The following CNTN4 variants were observed in gnomAD, a reference collection of about 807,000 sequenced individuals.
CNTN4 encodes contactin 4, also known as contactin-4.
Under a neutral mutation model 122.5 loss-of-function variants are expected in CNTN4, and 77 were observed. That is an observed-to-expected ratio of 0.63 (90% CI 0.52 to 0.76). The LOEUF (loss-of-function observed/expected upper bound fraction) is 0.76. CNTN4 is among the 30% of genes least tolerant of loss of function. CNTN4 has a pLI of 0.00. For missense variants in CNTN4, 1,256 were observed against 1,259.1 expected (o/e 1.00, Z 0.04); for synonymous variants, 512 against 447.0 (o/e 1.15, Z -1.83).
intron 3 of CNTN4, among the ~76,000 whole-genome samples, chr3:2,424,286 A>G (rs200612488): frequency 4.4e-5 from 6 of 134,870 alleles, no homozygotes; most frequent in Non-Finnish European, 7.6e-5. Context: ...TCACTGTTCA[A>G]TTCCCACCTA....
At chr3:2,854,134 G>T (rs2093590967) in intron 7 of CNTN4, among the ~76,000 whole-genome samples, 1 of 152,094 alleles carries the variant, frequency 6.6e-6, no homozygotes, top group Non-Finnish European at 1.5e-5. Flanking sequence ...GAAAAGGATA[G>T]TTCCATTCTT....
intron 2 of CNTN4, among the ~76,000 whole-genome samples, chr3:2,251,013 C>T (rs1222806313): frequency 3.3e-5 from 5 of 151,720 alleles, no homozygotes; most frequent in South Asian, 2.1e-4. Context: ...TATATTGTCA[C>T]CTATATATAT....
At chr3:2,257,190 A>G (rs1314418172) in intron 2 of CNTN4, among the ~76,000 whole-genome samples, 1 of 152,250 alleles carries the variant, frequency 6.6e-6, no homozygotes, top group Non-Finnish European at 1.5e-5. Context: ...CAATGGGGAA[A>G]AAATTCCTTG....
At chr3:2,954,745 G>T (rs2094781215) in intron 13 of CNTN4, among the ~76,000 whole-genome samples, 1 of 151,632 alleles carries the variant, frequency 6.6e-6, no homozygotes, top group Non-Finnish European at 1.5e-5. Context: ...CCTAGTAACA[G>T]GTTACCACAA....
intron 2 of CNTN4, among the ~76,000 whole-genome samples, chr3:2,175,215 T>C (rs1224961091): frequency 1.3e-5 from 2 of 152,188 alleles, no homozygotes; most frequent in Non-Finnish European, 2.9e-5. Context: ...AACTTGCAAA[T>C]GTTCATTAGT....
chr3:2,106,038 CG>C, intron 2 of CNTN4, among the ~76,000 whole-genome samples: 1 of 152,184 alleles, frequency 6.6e-6, no homozygotes, highest in East Asian at 1.9e-4. Context: ...CTTAAAGCTC[CG>C]AAATCATCTT....
At position 2,304,834 on chromosome 3, in the gene CNTN4, A is replaced by G. The variant is rs1257491598; in HGVS notation, c.-144-34344A>G. Among the ~76,000 whole-genome samples the G allele has an allele frequency of 2.7e-5, 4 of 150,692 alleles. No individual in the cohort carries two copies. The East Asian group carries it at 8.0e-4, about 30-fold the overall frequency. ...ATTGTAATGTATGTGGCTTGGGACC[A>G]TTGTCTTTGTAATAATCTGGTAAGA... On this transcript the variant is annotated intron_variant, in intron 2 of 24. Coordinates refer to ENST00000418658, the MANE Select transcript of CNTN4 (RefSeq NM_175607.3).
At chr3:2,480,919 G>A (rs767667901) in intron 3 of CNTN4, among the ~76,000 whole-genome samples, 4 of 152,102 alleles carry the variant, frequency 2.6e-5, no homozygotes, top group Non-Finnish European at 5.9e-5. Context: ...AGAACAGAGA[G>A]CCCAGAAATA....
chr3:2,981,361 G>C (rs995628430), intron 13 of CNTN4, among the ~76,000 whole-genome samples: 8 of 151,584 alleles, frequency 5.3e-5, no homozygotes, highest in African/African-American at 1.9e-4. Flanking sequence ...GGAGAATGGC[G>C]TGAACCCAGG....
At chr3:3,051,922 A>G (rs567262304) in intron 23 of CNTN4, among the ~76,000 whole-genome samples, 1 of 152,308 alleles carries the variant, frequency 6.6e-6, no homozygotes, top group Admixed American at 6.5e-5. Flanking sequence ...GTGCTTCTCA[A>G]CGCATGATCC....
chr3:2,473,484 T>G (rs1319233700), intron 3 of CNTN4, among the ~76,000 whole-genome samples: 2 of 152,216 alleles, frequency 1.3e-5, no homozygotes, highest in Non-Finnish European at 2.9e-5. Flanking sequence ...TACATTTAAA[T>G]TAATTAAAAT....
rs140627798 is a variant in CNTN4 at position 2,557,719 on chromosome 3, C to G, written c.-88-13697C>G. On this transcript the variant is annotated intron_variant, in intron 3 of 24. Transcript: ENST00000418658. ...ACTCCAGCCTGGGCAACACTGCACT[C>G]CAGCCTGGGCAACAGAGCAAGATTC... Among the ~76,000 whole-genome samples, 330 of 150,072 alleles carry G rather than the reference C, an allele frequency of 2.2e-3. 2 individuals are homozygous for G. The highest frequency in any genetic ancestry group is 7.7e-3 in the African/African-American group (311 of 40,476).
At chr3:2,397,352 G>A (rs1414663317) in intron 3 of CNTN4, among the ~76,000 whole-genome samples, 1 of 152,076 alleles carries the variant, frequency 6.6e-6, no homozygotes, top group East Asian at 1.9e-4. Context: ...TTTAATACTT[G>A]ATGATGCCTC....
intron 3 of CNTN4, among the ~76,000 whole-genome samples, chr3:2,552,138 G>A (rs1006610296): frequency 1.3e-5 from 2 of 152,134 alleles, no homozygotes; most frequent in Non-Finnish European, 2.9e-5. Flanking sequence ...GAGTAAAGGA[G>A]CACCAAGCCT....
intron 7 of CNTN4, among the ~76,000 whole-genome samples, chr3:2,835,855 A>G (rs1328107648): frequency 6.6e-6 from 1 of 152,092 alleles, no homozygotes; most frequent in Non-Finnish European, 1.5e-5. Context: ...ATGCAATTCA[A>G]AGGAACATAG....
At chr3:2,594,442 A>C (rs2080662775) in intron 4 of CNTN4, among the ~76,000 whole-genome samples, 2 of 141,246 alleles carry the variant, frequency 1.4e-5, no homozygotes, top group Admixed American at 1.5e-4. Context: ...TTTTTGAGAC[A>C]GAGTCTTGCT....
At position 2,907,879 on chromosome 3, in the gene CNTN4, A is replaced by G. The variant is rs554797877; in HGVS notation, c.1207+4874A>G. Reference sequence around the variant, plus strand: ...GGGTGATTTACTCACTGGATGGGCAAACGCCATAGAGAGACTTTTATCTTG... The same window carrying G: ...GGGTGATTTACTCACTGGATGGGCAGACGCCATAGAGAGACTTTTATCTTG... On this transcript the variant is annotated intron_variant, in intron 12 of 24. Transcript: ENST00000418658. Among the ~76,000 whole-genome samples, 15 of 152,368 alleles carry G rather than the reference A, an allele frequency of 9.8e-5. No homozygotes were observed. In the South Asian group the frequency reaches 3.1e-3, roughly 32 times the overall value.
intron 3 of CNTN4, among the ~76,000 whole-genome samples, chr3:2,378,109 A>G (rs1575498710): frequency 6.6e-6 from 1 of 152,168 alleles, no homozygotes; most frequent in African/African-American, 2.4e-5. Flanking sequence ...ATAAATACCC[A>G]TTTCATTAAT....
chr3:2,559,512 G>A (rs2078856688), intron 3 of CNTN4, among the ~76,000 whole-genome samples: 1 of 151,788 alleles, frequency 6.6e-6, no homozygotes, highest in Non-Finnish European at 1.5e-5. Context: ...GTTATTGTAA[G>A]CATTTGGTAA....
Sources: gnomAD v4.1 joint callset for allele counts (sites outside exome capture counted in the v4.1 genomes callset) on GRCh38, gnomAD v4.1.1 for gene constraint, MANE v1.5 for transcripts, NCBI Gene and HGNC (gene_info 2026-07-23, HGNC 2026-07-21) for gene names.